Variants in ATXN3 observed in about 807,000 individuals in gnomAD.
ATXN3 encodes ataxin 3.
A neutral mutation model predicts 58.2 loss-of-function variants in ATXN3; 28 were observed. The ratio of observed to expected loss-of-function variants is 0.48; its 90% CI spans 0.36 to 0.66. The LOEUF (loss-of-function observed/expected upper bound fraction) is 0.66. Ranked by LOEUF, ATXN3 falls within the 30% of genes least tolerant of loss-of-function variation. The pLI, the probability that ATXN3 is intolerant of heterozygous loss-of-function variation, is 0.00. For missense variants in ATXN3, 321 were observed against 422.1 expected (o/e 0.76, Z 2.10); for synonymous variants, 113 against 138.5 (o/e 0.82, Z 1.29).
At chr14:92,088,944 T>G (rs1451775001) in intron 5 of ATXN3, 127 bp from the exon 6 acceptor site, 5 of 634,488 alleles carry the variant, frequency 7.9e-6, no homozygotes, top group Non-Finnish European at 1.4e-5. Context: ...ATATTTCAAG[T>G]TGAGCTCTTT....
At chr14:92,099,811 G>C (rs2066321819) in intron 1 of ATXN3, among the ~76,000 whole-genome samples, 2 of 152,120 alleles carry the variant, frequency 1.3e-5, no homozygotes, top group South Asian at 4.1e-4. Flanking sequence ...CGAGGCTACA[G>C]TAAGCTGAGA....
At position 92,082,350 on chromosome 14, in the gene ATXN3, A is replaced by G. The variant is rs761679000; in HGVS notation, c.725T>C (p.Met242Thr). The change falls in exon 8 of 11, where the codon ATG (methionine) becomes ACG (threonine). Residue 242 changes from methionine (M) to threonine (T), a missense_variant. Physicochemically the swap from Met to Thr is moderately conservative, Grantham distance 81 (BLOSUM62 -1). Transcript: ENST00000644486. ...GCGGAGATCTGCTTCCTCATCTTCC[A>G]TGTCAATTTCTTGGCGACTTAGTGC... is the stretch of plus-strand genomic sequence containing the variant. ...ALALSRQEIDMEDEEADLRRA... is the reference protein window; with the variant it reads ...ALALSRQEIDTEDEEADLRRA... 6 of 1,613,996 alleles carry G rather than the reference A, an allele frequency of 3.7e-6. No individual in the cohort carries two copies. The highest frequency in any genetic ancestry group is 2.7e-5 in the African/African-American group (2 of 74,902).
chr14:92,104,569 T>A (rs2067719980), intron 1 of ATXN3, among the ~76,000 whole-genome samples: 2 of 152,226 alleles, frequency 1.3e-5, no homozygotes, highest in Admixed American at 1.3e-4. Context: ...GGAAGTAGTG[T>A]GGAACATGTT....
chr14:92,054,372 T>C (rs1317787405), downstream of ATXN3, among the ~76,000 whole-genome samples: 5 of 152,136 alleles, frequency 3.3e-5, no homozygotes. Context: ...TCCTTGCCGA[T>C]AAAACAGGTT....
At chr14:92,099,256 G>A (rs1157454593) in intron 1 of ATXN3, among the ~76,000 whole-genome samples, 4 of 152,172 alleles carry the variant, frequency 2.6e-5, no homozygotes, top group African/African-American at 9.7e-5. Flanking sequence ...CACCTTGCAA[G>A]ACGGATATTT....
chr14:92,104,797 C>T (rs985217291), intron 1 of ATXN3, among the ~76,000 whole-genome samples: 1 of 151,912 alleles, frequency 6.6e-6, no homozygotes, highest in Non-Finnish European at 1.5e-5. Flanking sequence ...GTGGCGGGCG[C>T]CTGTAATCTC....
At chr14:92,088,643 A>G in intron 6 of ATXN3, 87 bp downstream of exon 6, 1 of 964,908 alleles carries the variant, frequency 1.0e-6, no homozygotes. Flanking sequence ...CTGCCAGAAA[A>G]ACAGTTTTAT....
intron 10 of ATXN3, 182 bp downstream of exon 10, chr14:92,070,753 T>G: frequency 7.3e-7 from 1 of 1,361,072 alleles, no homozygotes; most frequent in Middle Eastern, 2.4e-4. Flanking sequence ...GCTTTTTTTT[T>G]TTTTTTTCTT....
intron 5 of ATXN3, among the ~76,000 whole-genome samples, chr14:92,089,629 C>T (rs549501128): frequency 4.6e-5 from 7 of 152,132 alleles, no homozygotes; most frequent in Non-Finnish European, 8.8e-5. Context: ...TGAGCCACCG[C>T]GCCCGGCCCT....
intron 9 of ATXN3, among the ~76,000 whole-genome samples, chr14:92,073,022 C>T (rs1450874867): frequency 6.6e-6 from 1 of 152,202 alleles, no homozygotes; most frequent in African/African-American, 2.4e-5. Context: ...ATTAGCAAAT[C>T]CTGATGCTGC....
intron 6 of ATXN3, among the ~76,000 whole-genome samples, chr14:92,086,302 C>A (rs1416648156): frequency 1.4e-5 from 2 of 141,904 alleles, no homozygotes; most frequent in Non-Finnish European, 3.0e-5. Flanking sequence ...GTGGCTCATG[C>A]CTGTAATCCC....
chr14:92,047,398 G>C (rs2057432581), intron 2 of ATXN3, among the ~76,000 whole-genome samples: 1 of 152,260 alleles, frequency 6.6e-6, no homozygotes. Flanking sequence ...AGCCCATGCT[G>C]TAGCAGGCGA....
chr14:92,096,503 AATCCCAGCTACTTG>A, intron 2 of ATXN3, 157 bp downstream of exon 2: 1 of 773,982 alleles, frequency 1.3e-6, no homozygotes, highest in Non-Finnish European at 2.0e-6. Flanking sequence ...GTGTGCCTGT[AATCCCAGCTACTTG>A]GGAGGCTGAG....
intron 9 of ATXN3, among the ~76,000 whole-genome samples, chr14:92,073,013 T>C (rs1270149193): frequency 6.6e-6 from 1 of 152,180 alleles, no homozygotes; most frequent in Non-Finnish European, 1.5e-5. Flanking sequence ...TATCCTCCCA[T>C]TAGCAAATCC....
intron 6 of ATXN3, among the ~76,000 whole-genome samples, chr14:92,087,551 TG>T (rs2062859239): frequency 6.6e-6 from 1 of 152,212 alleles, no homozygotes; most frequent in Non-Finnish European, 1.5e-5. Flanking sequence ...CCAGCTACTC[TG>T]GTACAGGAAT....
In ATXN3 at chr14:92,096,698, A is replaced by C. The variant is rs747089043; in HGVS notation, c.165T>G (p.Ser55Arg). The change falls in exon 2 of 11, where the codon AGT becomes AGG. Residue 55 changes from serine to arginine, a missense_variant. Around this residue, in one of 2 missense-constraint regions of ATXN3, gnomAD observed 121 missense variants for 198.9 expected, o/e 0.61. Transcript: ENST00000644486. ...CCTGTAAAAACGTGCGATAATCTTC[A>C]CTAGTAACTCCTCCTTCTGCCATTC... Reference protein sequence around the residue: ...RMRMAEGGVTSEDYRTFLQQP... With the variant: ...RMRMAEGGVTREDYRTFLQQP... 1 of 1,613,072 alleles carries C rather than the reference A, an allele frequency of 6.2e-7. No individual in the cohort carries two copies. Among genetic ancestry groups the C allele is most frequent in the East Asian group, 2.2e-5 (1 of 44,850 alleles).
chr14:92,081,019 C>T lies in ATXN3; in HGVS notation c.818G>A (p.Gly273Asp). ...AAGCTCTTCTGAAGTAAGATTTGTA[C>T]CTGATGTCTGTGTCATATCTTGAGA... ...NISQDMTQTSGTNLTSEELRK... is the reference protein window; with the variant it reads ...NISQDMTQTSDTNLTSEELRK... Residue 273 changes from glycine (G) to aspartate (D), a missense_variant, in exon 9 of 11, where the codon GGT becomes GAT. By Grantham distance (94) the Gly-to-Asp change is moderately conservative (BLOSUM62 -1). Transcript: ENST00000644486. The T allele has an allele frequency of 1.9e-6, 3 of 1,612,698 alleles. No homozygotes were observed. Among genetic ancestry groups the T allele is most frequent in the Non-Finnish European group, 2.5e-6 (3 of 1,179,104 alleles).
At chr14:92,076,456 A>G (rs28696879) in intron 9 of ATXN3, among the ~76,000 whole-genome samples, 2 of 72,590 alleles carry the variant, frequency 2.8e-5, no homozygotes, top group African/African-American at 1.3e-4. Flanking sequence ...CTCAAAAAAG[A>G]AAAAAAAAAA....
intron 9 of ATXN3, among the ~76,000 whole-genome samples, chr14:92,074,230 G>A (rs2059961549): frequency 6.6e-6 from 1 of 151,812 alleles, no homozygotes; most frequent in Admixed American, 6.6e-5. Context: ...AGGAGGCTGA[G>A]GCAGGAGAAT....
Sources: gnomAD v4.1 joint callset for allele counts (sites outside exome capture counted in the v4.1 genomes callset) on GRCh38, gnomAD v4.1.1 for gene constraint, gnomAD v4.1.1 regional missense constraint, MANE v1.5 for transcripts, NCBI Gene and HGNC (gene_info 2026-07-23, HGNC 2026-07-21) for gene names.